The following HP1BP3 variants were observed in gnomAD, a reference collection of about 807,000 sequenced individuals.
The protein encoded by HP1BP3 is heterochromatin protein 1-binding protein 3.
In HP1BP3, 12 loss-of-function variants were observed where a neutral mutation model predicts 62.5. The observed-to-expected ratio is 0.19, with a 90% confidence interval of 0.12 to 0.31. The LOEUF (loss-of-function observed/expected upper bound fraction) is 0.31, where lower values mean the gene tolerates loss of function less well. Among genes scored for constraint, HP1BP3 ranks in the 10% least tolerant of loss-of-function variants. The probability of loss-of-function intolerance (pLI) is 1.00; values close to 1 mark genes in which losing one functional copy is unlikely to be tolerated. For missense variants in HP1BP3, 502 were observed against 651.8 expected (o/e 0.77, Z 2.50); for synonymous variants, 260 against 237.8 (o/e 1.09, Z -0.86).
chr1:20,776,143 G>A (rs967489146), intron 4 of HP1BP3: 4 of 773,146 alleles, frequency 5.2e-6, no homozygotes, highest in Admixed American at 6.6e-5. Context: ...AACATATATA[G>A]ACTTTTAGGT....
At chr1:20,784,550 C>G (rs999538375) in intron 1 of HP1BP3, among the ~76,000 whole-genome samples, 10 of 146,866 alleles carry the variant, frequency 6.8e-5, no homozygotes, top group African/African-American at 2.6e-4. Context: ...GCGATCTCGG[C>G]TCACTGCAAC....
chr1:20,760,542 GA>G lies in HP1BP3; in HGVS notation c.891-3287del, dbSNP rs75392767. Among the ~76,000 whole-genome samples the G allele has an allele frequency of 7.5e-4, 106 of 140,966 alleles. No individual in the cohort carries two copies. In the East Asian group the frequency reaches 0.015, roughly 20 times the overall value. 92.5% of individuals were successfully genotyped at this position (140,966 alleles called of 152,430 possible). On this transcript the variant is annotated intron_variant, in intron 8 of 12. Transcript: ENST00000438032. Reference sequence around the variant, plus strand: ...GGCAACAGAGCAAGACCCCAGCTTGGAAAAAAAAAAAAGTGACAGGCTGGGC... The same window carrying G: ...GGCAACAGAGCAAGACCCCAGCTTGGAAAAAAAAAAAGTGACAGGCTGGGC...
chr1:20,771,603 T>C (rs1399507960), intron 5 of HP1BP3, among the ~76,000 whole-genome samples: 3 of 152,184 alleles, frequency 2.0e-5, no homozygotes, highest in Non-Finnish European at 2.9e-5. Context: ...ATAGTGAAGG[T>C]GTTCTATTTG....
At position 20,767,614 on chromosome 1, in the gene HP1BP3, T is replaced by G. The variant is rs1388156491; in HGVS notation, c.705A>C (p.Arg235Ser). The change falls in exon 7 of 13, where the codon AGA (arginine) becomes AGC (serine). Residue 235 changes from arginine to serine, a missense_variant. Coordinates refer to ENST00000438032, the MANE Select transcript of HP1BP3 (RefSeq NM_001372052.1). ...SGSFVVVQKS[R>S]KTPQKSRNRK... is the part of the protein sequence containing the mutation. ...TGTTTCTGGATTTCTGAGGTGTTTT[T>G]CTTGATTTCTGAACCACAACAAAAC... 10 of 1,611,472 alleles carry G rather than the reference T, an allele frequency of 6.2e-6. No individual in the cohort carries two copies. The highest frequency in any genetic ancestry group is 7.6e-6 in the Non-Finnish European group (9 of 1,178,930).
chr1:20,750,436 G>A (rs1258065968), intron 9 of HP1BP3, among the ~76,000 whole-genome samples: 1 of 142,022 alleles, frequency 7.0e-6, no homozygotes, highest in Non-Finnish European at 1.6e-5. Context: ...GCTGAGGCAG[G>A]AGAGTCACTT....
chr1:20,783,982 TTTTGTTTG>T (rs201911030), intron 1 of HP1BP3, among the ~76,000 whole-genome samples: 3 of 150,434 alleles, frequency 2.0e-5, no homozygotes, highest in African/African-American at 7.4e-5. Context: ...TACCTATGTT[TTTTGTTTG>T]TTTGTTTTAA....
At chr1:20,772,561 C>A (rs1438309438) in intron 5 of HP1BP3, among the ~76,000 whole-genome samples, 1 of 151,910 alleles carries the variant, frequency 6.6e-6, no homozygotes, top group Non-Finnish European at 1.5e-5. Context: ...GAAGGCAAAC[C>A]CTTTTTCCAG....
chr1:20,759,609 C>A (rs12096948), intron 8 of HP1BP3, among the ~76,000 whole-genome samples: 1 of 152,168 alleles, frequency 6.6e-6, no homozygotes, highest in Non-Finnish European at 1.5e-5. Flanking sequence ...TCTCAGACTT[C>A]GAGTCTGCAC....
At chr1:20,767,745 G>A (rs534231768) in intron 6 of HP1BP3, 81 bp from the exon 7 acceptor site, 46 of 817,348 alleles carry the variant, frequency 5.6e-5, no homozygotes, top group Middle Eastern at 2.9e-4. Flanking sequence ...GGTAATGCAA[G>A]AGCTAATGTA....
At chr1:20,781,383 T>C (rs1360910854) in intron 1 of HP1BP3, among the ~76,000 whole-genome samples, 1 of 152,206 alleles carries the variant, frequency 6.6e-6, no homozygotes, top group Non-Finnish European at 1.5e-5. Context: ...TGTCTAAGAA[T>C]TGAAGAGCTT....
intron 4 of HP1BP3, chr1:20,776,169 T>C: frequency 3.3e-6 from 2 of 607,550 alleles, no homozygotes; most frequent in Non-Finnish European, 2.7e-6. Flanking sequence ...TACCAATGGC[T>C]TGATACAAAT....
chr1:20,779,725 AAC>A (rs1016582725), intron 3 of HP1BP3, 85 bp downstream of exon 3: 16 of 844,090 alleles, frequency 1.9e-5, no homozygotes, highest in African/African-American at 8.8e-5. Context: ...AAAAAAAAAA[AAC>A]AATTAAGTTC....
chr1:20,749,707 C>T lies in HP1BP3; in HGVS notation c.1141+16G>A, dbSNP rs369176150. ...ATTCTCCTAATCCCAGTTAAATATA[C>T]ACAACCGAGTCTTACTTTGATAGTT... On this transcript the variant is annotated intron_variant, in intron 10 of 12. Transcript: ENST00000438032. 1.9e-4 allele frequency: 302 copies of T among 1,600,112 alleles called. No homozygotes were observed. Among genetic ancestry groups the T allele is most frequent in the Non-Finnish European group, 2.5e-4 (291 of 1,174,090 alleles).
chr1:20,773,753 T>C, intron 4 of HP1BP3, 143 bp from the exon 5 acceptor site: 1 of 494,118 alleles, frequency 2.0e-6, no homozygotes, highest in Non-Finnish European at 3.3e-6. Flanking sequence ...ATAAGCAAAA[T>C]TTTACAAAAT....
chr1:20,777,345 C>T (rs2057348671), intron 3 of HP1BP3, among the ~76,000 whole-genome samples: 1 of 151,976 alleles, frequency 6.6e-6, no homozygotes, highest in Non-Finnish European at 1.5e-5. Context: ...CAAGCATATA[C>T]TTCAAGCCAA....
intron 11 of HP1BP3, among the ~76,000 whole-genome samples, 176 bp from the exon 12 acceptor site, chr1:20,745,832 T>C (rs1365827045): frequency 6.6e-6 from 1 of 152,226 alleles, no homozygotes; most frequent in African/African-American, 2.4e-5. Flanking sequence ...ACATATAAAG[T>C]TATGCCAAAT....
chr1:20,745,463 T>A, intron 12 of HP1BP3, 80 bp downstream of exon 12: 1 of 1,504,044 alleles, frequency 6.6e-7, no homozygotes, highest in South Asian at 1.4e-5. Flanking sequence ...GCTTTTTAGC[T>A]TTAGCCCCTC....
chr1:20,745,735 T>C, intron 11 of HP1BP3, 79 bp from the exon 12 acceptor site: 3 of 1,448,980 alleles, frequency 2.1e-6, no homozygotes, highest in Non-Finnish European at 1.9e-6. Context: ...TGCTCTTACC[T>C]GGACATATCC....
At position 20,744,988 on chromosome 1, in the gene HP1BP3, C is replaced by A; in HGVS notation, c.1471G>T (p.Ala491Ser). The A allele has an allele frequency of 6.2e-7, 1 of 1,614,180 alleles. No homozygotes were observed. The highest frequency in any genetic ancestry group is 8.5e-7 in the Non-Finnish European group (1 of 1,180,050). ...PKVSAAQRGK[A>S]RPLPKKAPPK... Reference sequence around the variant, plus strand: ...GGTGCTTTCTTAGGCAAGGGCCTAGCTTTCCCCCGCTGGGCAGCTGAGACT... The same window carrying A: ...GGTGCTTTCTTAGGCAAGGGCCTAGATTTCCCCCGCTGGGCAGCTGAGACT... Residue 491 changes from alanine to serine, a missense_variant, in exon 13 of 13, where the codon GCT becomes TCT. Physicochemically the swap from Ala to Ser is moderately conservative, Grantham distance 99. This residue lies in a region of HP1BP3 where 194 missense variants were observed against 207.0 expected (regional missense o/e 0.94). Coordinates refer to ENST00000438032, the MANE Select transcript of HP1BP3 (RefSeq NM_001372052.1).
Sources: allele counts gnomAD v4.1 joint callset (sites outside exome capture counted in the v4.1 genomes callset), GRCh38; gene constraint gnomAD v4.1.1; regional missense constraint gnomAD v4.1.1; transcripts MANE v1.5; gene names NCBI Gene and HGNC (gene_info 2026-07-23, HGNC 2026-07-21).